Variants in ZNF273 observed in about 807,000 individuals in gnomAD.
The protein encoded by ZNF273 is zinc finger protein 273.
In ZNF273, 11 loss-of-function variants were observed where a neutral mutation model predicts 14.9. The observed-to-expected ratio is 0.74, with a 90% CI of 0.46 to 1.22. The LOEUF is 1.22. ZNF273 is among the 50% of genes most tolerant of loss of function. The probability of loss-of-function intolerance (pLI) is 0.00; values close to 1 mark genes in which losing one functional copy is unlikely to be tolerated. For synonymous variants in ZNF273, 199 were observed against 223.9 expected (o/e 0.89, Z 0.99); for missense variants, 577 against 660.6 (o/e 0.87, Z 1.39).
downstream of ZNF273, chr7:64,880,335 T>G (rs1183697201): frequency 6.6e-6 from 1 of 152,146 alleles, no homozygotes; most frequent in African/African-American, 2.4e-5. Context: ...TGAGTCTCCT[T>G]GAAAGTTGCA....
At chr7:64,884,952 GCTGACAGCC>G (rs369213527) in intron 1 of ZNF273, among the ~76,000 whole-genome samples, 16 of 152,354 alleles carry the variant, frequency 1.1e-4, no homozygotes, top group South Asian at 2.1e-4. Flanking sequence ...GCTCAGGCAG[GCTGACAGCC>G]CTGACAGCCC....
chr7:64,908,735 TTTAGCAC>T (rs574714841), intron 1 of ZNF273, among the ~76,000 whole-genome samples: 77 of 152,316 alleles, frequency 5.1e-4, no homozygotes, highest in Non-Finnish European at 9.6e-4. Context: ...TGTGTTATTA[TTTAGCAC>T]TTACTTATAA....
intron 3 of ZNF273, 145 bp downstream of exon 3, chr7:64,918,437 CG>C: frequency 1.5e-6 from 1 of 669,558 alleles, no homozygotes; most frequent in Non-Finnish European, 2.2e-6. Context: ...CCGAGGCGGG[CG>C]GATCACGAGG....
chr7:64,934,242 T>C (rs1053201179), downstream of ZNF273, among the ~76,000 whole-genome samples: 1 of 152,180 alleles, frequency 6.6e-6, no homozygotes, highest in Non-Finnish European at 1.5e-5. Flanking sequence ...CATGTATGGT[T>C]TGCAAATATT....
In ZNF273 at chr7:64,930,255, T is replaced by G. The variant is rs1584020309; in HGVS notation, c.*1217T>G. On this transcript the variant is annotated 3_prime_UTR_variant, in exon 4 of 4. Coordinates refer to ENST00000476120, the MANE Select transcript of ZNF273 (RefSeq NM_021148.3). ...ATATGAGATTTTTTTTTTTATTAGG[T>G]GGGCATTATTTATGACCTTTTCTGT... 6.6e-6 allele frequency: 1 copy of G among 152,132 alleles called. No homozygotes were observed. Among genetic ancestry groups the G allele is most frequent in the Non-Finnish European group, 1.5e-5 (1 of 67,972 alleles). The allele number at this position is 152,132 out of a possible 1,614,324, so 9.4% of individuals were successfully genotyped here.
chr7:64,903,452 G>C (rs1366428607), intron 1 of ZNF273, 33 bp downstream of exon 1: 2 of 1,583,904 alleles, frequency 1.3e-6, no homozygotes, highest in South Asian at 2.2e-5. Context: ...CCCGAGAGAG[G>C]GGGAGGGCCT....
rs201705632 is a variant in ZNF273 at position 64,915,843 on chromosome 7, TA to T, written c.103-1736del. On this transcript the variant is annotated intron_variant, in intron 1 of 3. Transcript: ENST00000476120. ...CCATTAGCTCTATGCAGAACAGAAT[TA>T]ACAAAATGCTTATTTAAACAGGATA... is the stretch of plus-strand genomic sequence containing the variant. Among the ~76,000 whole-genome samples, 709 of 152,284 alleles carry T rather than the reference TA, an allele frequency of 4.7e-3. 6 individuals carry two copies. Among genetic ancestry groups the T allele is most frequent in the African/African-American group, 0.015 (626 of 41,558 alleles).
Position 64,930,369 on chromosome 7 carries a change from A to G in ZNF273, c.*1331A>G, listed in dbSNP as rs1794962884. The stretch of plus-strand genomic sequence containing the variant: ...GTTAACTGATAATATTGAGTGATGC[A>G]TGAGGTAGGTGTTCAGAGTAATATT... On this transcript the variant is annotated 3_prime_UTR_variant, in exon 4 of 4. Transcript: ENST00000476120. 6.6e-6 allele frequency: 1 copy of G among 152,232 alleles called. No homozygotes were observed. The highest frequency in any genetic ancestry group is 2.1e-4 in the South Asian group (1 of 4,830). 9.4% of individuals were successfully genotyped at this position (152,232 alleles called of 1,614,324 possible). A position where few individuals can be genotyped will look rare whatever the true frequency, so the allele number is the denominator to read the frequency against.
upstream of ZNF273, among the ~76,000 whole-genome samples, chr7:64,901,634 T>A (rs10282599): frequency 0.41 from 62,106 of 152,038 alleles, 12,917 homozygotes; most frequent in South Asian, 0.45. Context: ...TGAGACCCTC[T>A]TTTCTTTTCT....
At chr7:64,900,863 ACT>A (rs1016066527), upstream of ZNF273, among the ~76,000 whole-genome samples, 10 of 151,864 alleles carry the variant, frequency 6.6e-5, no homozygotes, top group South Asian at 2.1e-4. Flanking sequence ...CTCCAAGAAC[ACT>A]CTCTGTCACA....
chr7:64,878,958 G>C (rs776670199), intron 2 of ZNF273, among the ~76,000 whole-genome samples: 28 of 152,182 alleles, frequency 1.8e-4, no homozygotes, highest in Non-Finnish European at 3.2e-4. Context: ...GGGCAGCTGC[G>C]ATACTGTTGG....
At chr7:64,917,787 A>G in intron 2 of ZNF273, 80 bp downstream of exon 2, 2 of 1,444,294 alleles carry the variant, frequency 1.4e-6, no homozygotes, top group African/African-American at 1.4e-5. Flanking sequence ...TCTGCTTTGC[A>G]TAAATAAATT....
chr7:64,934,200 CTT>C (rs1480008248), downstream of ZNF273, among the ~76,000 whole-genome samples: 4 of 135,332 alleles, frequency 3.0e-5, no homozygotes, highest in African/African-American at 7.4e-5. Context: ...GGCCAAGTTT[CTT>C]ACATTTTTTT....
chr7:64,908,946 A>G (rs4718170), intron 1 of ZNF273, among the ~76,000 whole-genome samples: 68,420 of 151,972 alleles, frequency 0.45, 15,700 homozygotes, highest in Admixed American at 0.51. Context: ...AGGATATTCT[A>G]TTGCCCAGGC....
downstream of ZNF273, among the ~76,000 whole-genome samples, chr7:64,934,127 TC>T (rs1795042050): frequency 6.6e-6 from 1 of 152,172 alleles, no homozygotes; most frequent in South Asian, 2.1e-4. Flanking sequence ...ACTCCTGACT[TC>T]AAGTGATCTG....
intron 1 of ZNF273, chr7:64,888,271 T>G: frequency 1.0e-6 from 1 of 984,664 alleles, no homozygotes; most frequent in Non-Finnish European, 1.2e-6. Flanking sequence ...GATGTCCCTG[T>G]CTCTATGGGG....
chr7:64,883,199 G>A (rs936741261), downstream of ZNF273, among the ~76,000 whole-genome samples: 4 of 138,142 alleles, frequency 2.9e-5, no homozygotes, highest in Non-Finnish European at 4.6e-5. Context: ...GAGACGCGCA[G>A]GAGCCCAAAT....
chr7:64,889,375 A>G (rs1791819514), downstream of ZNF273: 18 of 973,730 alleles, frequency 1.8e-5, no homozygotes, highest in Non-Finnish European at 2.1e-5. The surrounding 1 kb of genome is among the most constrained non-coding windows in gnomAD (Gnocchi z 4.2). Flanking sequence ...GCCCGGGGTC[A>G]TCTGGCAGGG....
chr7:64,906,857 CAA>C (rs1173639987), intron 1 of ZNF273, among the ~76,000 whole-genome samples: 1 of 151,598 alleles, frequency 6.6e-6, no homozygotes, highest in Non-Finnish European at 1.5e-5. Context: ...ATTTGAATTC[CAA>C]AAGAGTGTTG....
Sources: gnomAD v4.1 joint callset for allele counts (sites outside exome capture counted in the v4.1 genomes callset) on GRCh38, gnomAD v4.1.1 for gene constraint, Gnocchi (gnomAD v3.1) non-coding constraint, MANE v1.5 for transcripts, NCBI Gene and HGNC (gene_info 2026-07-23, HGNC 2026-07-21) for gene names.